Variants in PPM1D observed in about 807,000 individuals in gnomAD.
PPM1D encodes protein phosphatase, Mg2+/Mn2+ dependent 1D.
In PPM1D, 52 loss-of-function variants were observed where a neutral mutation model predicts 58.3. The ratio of observed to expected loss-of-function variants is 0.89; its 90% CI spans 0.71 to 1.12. PPM1D has a LOEUF of 1.12. PPM1D is among the 50% of genes most tolerant of loss of function. The pLI is 0.00. For missense variants in PPM1D, 564 were observed against 777.2 expected, an observed-to-expected ratio of 0.73 and a Z score of 3.26; for synonymous variants, 278 against 285.1, an observed-to-expected ratio of 0.98 and a Z score of 0.25.
chr17:60,660,821 ACCTCCCTG>A (rs772782118), intron 5 of PPM1D, among the ~76,000 whole-genome samples: 14 of 152,066 alleles, frequency 9.2e-5, no homozygotes, highest in Non-Finnish European at 1.9e-4. Context: ...TATTTTTTGA[ACCTCCCTG>A]CCTCCCTTAT....
At chr17:60,645,500 A>ATATATG (rs2031220869) in intron 3 of PPM1D, among the ~76,000 whole-genome samples, 2 of 123,314 alleles carry the variant, frequency 1.6e-5, no homozygotes, top group African/African-American at 7.2e-5. Context: ...GTGTATGTGT[A>ATATATG]TATATATATG....
At chr17:60,615,314 G>A (rs183311100) in intron 1 of PPM1D, among the ~76,000 whole-genome samples, 9 of 152,156 alleles carry the variant, frequency 5.9e-5, no homozygotes, top group Non-Finnish European at 2.9e-5. Context: ...GGAGGCCCAG[G>A]TGGGAGGATC....
At chr17:60,647,114 A>ACAACAATC (rs2031264288) in intron 3 of PPM1D, among the ~76,000 whole-genome samples, 1 of 152,236 alleles carries the variant, frequency 6.6e-6, no homozygotes, top group Admixed American at 6.5e-5. Flanking sequence ...GTCAAATTCT[A>ACAACAATC]CAACAATCCT....
rs199993940 is a variant in PPM1D at position 60,647,855 on chromosome 17, A to G, written c.827-37A>G. 265 of 1,538,204 alleles carry G rather than the reference A, an allele frequency of 1.7e-4. No individual in the cohort carries two copies. In the African/African-American group the frequency reaches 3.3e-3, roughly 19 times the overall value. ...GTTGCTGTTGTACTATTAGCTTCCA[A>G]CTAATACTTCTTGCTTTTTCTGCTC... On this transcript the variant is annotated intron_variant, in intron 3 of 5. Coordinates refer to ENST00000305921, the MANE Select transcript of PPM1D (RefSeq NM_003620.4).
At chr17:60,616,623 ATTGAGGGATACT>A (rs1458115836) in intron 1 of PPM1D, among the ~76,000 whole-genome samples, 1 of 152,162 alleles carries the variant, frequency 6.6e-6, no homozygotes, top group East Asian at 1.9e-4. Context: ...AAGAAAAAGA[ATTGAGGGATACT>A]TAAACTACCA....
Position 60,663,725 on chromosome 17 carries a change from G to A in PPM1D, c.*173G>A. ...TTGTACTTGCTTGTATTGTAAATGT[G>A]GATTTTGTAGATGTTAGGGTATAAG... is the stretch of plus-strand genomic sequence containing the variant. On this transcript the variant is annotated 3_prime_UTR_variant, in exon 6 of 6. Transcript: ENST00000305921. The A allele has an allele frequency of 3.0e-6, 2 of 675,996 alleles. No homozygotes were observed. Among genetic ancestry groups the A allele is most frequent in the Non-Finnish European group, 4.8e-6 (2 of 416,132 alleles). 41.9% of individuals were successfully genotyped at this position (675,996 alleles called of 1,614,324 possible). A position where few individuals can be genotyped will look rare whatever the true frequency, so the allele number is the denominator to read the frequency against.
At chr17:60,637,109 T>C (rs2031038877) in intron 3 of PPM1D, among the ~76,000 whole-genome samples, 1 of 151,860 alleles carries the variant, frequency 6.6e-6, no homozygotes, top group Non-Finnish European at 1.5e-5. Context: ...GCTGGGATTA[T>C]AGGCGTGCGC....
chr17:60,612,430 C>A (rs1033137943), intron 1 of PPM1D, among the ~76,000 whole-genome samples: 1 of 151,956 alleles, frequency 6.6e-6, no homozygotes, highest in Non-Finnish European at 1.5e-5. Flanking sequence ...TTGTATATAG[C>A]GTGTTGCTCC....
chr17:60,621,563 A>ATTTTTTTTTTT (rs775950363), intron 1 of PPM1D, among the ~76,000 whole-genome samples: 2 of 96,132 alleles, frequency 2.1e-5, no homozygotes, highest in African/African-American at 7.6e-5. Flanking sequence ...TATTTTTTGT[A>ATTTTTTTTTTT]TTTTTTTTTT....
intron 1 of PPM1D, among the ~76,000 whole-genome samples, chr17:60,610,746 T>C (rs1436200949): frequency 6.6e-6 from 1 of 152,242 alleles, no homozygotes; most frequent in East Asian, 1.9e-4. Context: ...AAGTATTTTC[T>C]GGTCTTTCAT....
At position 60,665,957 on chromosome 17, in the gene PPM1D, G is replaced by A. The variant is rs2031610267; in HGVS notation, c.*2405G>A. The A allele has an allele frequency of 6.6e-6, 1 of 152,174 alleles. No individual in the cohort carries two copies. Among genetic ancestry groups the A allele is most frequent in the African/African-American group, 2.4e-5 (1 of 41,444 alleles). 9.4% of individuals were successfully genotyped at this position (152,174 alleles called of 1,614,324 possible). A position where few individuals can be genotyped will look rare whatever the true frequency, so the allele number is the denominator to read the frequency against. Reference sequence around the variant, plus strand: ...TTTTTGTAACCTAGCCTCTGAAAGTGTCATACCAATTCTGTATTTTGTTGG... The same window carrying A: ...TTTTTGTAACCTAGCCTCTGAAAGTATCATACCAATTCTGTATTTTGTTGG... On this transcript the variant is annotated 3_prime_UTR_variant, in exon 6 of 6. Coordinates refer to ENST00000305921, the MANE Select transcript of PPM1D (RefSeq NM_003620.4).
chr17:60,643,244 A>C (rs1013497583), intron 3 of PPM1D, among the ~76,000 whole-genome samples: 1 of 151,892 alleles, frequency 6.6e-6, no homozygotes, highest in African/African-American at 2.4e-5. Flanking sequence ...TTAGCCTAGC[A>C]TGGTGGCACA....
intron 1 of PPM1D, among the ~76,000 whole-genome samples, chr17:60,611,415 G>C (rs774045770): frequency 1.8e-4 from 27 of 151,504 alleles, no homozygotes; most frequent in Non-Finnish European, 2.5e-4. Flanking sequence ...TATGTATTTT[G>C]TGGGGTTTTT....
intron 4 of PPM1D, among the ~76,000 whole-genome samples, chr17:60,651,394 GT>G (rs2031339315): frequency 6.8e-6 from 1 of 147,770 alleles, no homozygotes; most frequent in South Asian, 2.1e-4. Context: ...AATTAACAGT[GT>G]TTTTGGTTTT....
At chr17:60,630,202 TAAAATA>T (rs1192419760) in intron 2 of PPM1D, among the ~76,000 whole-genome samples, 1 of 151,016 alleles carries the variant, frequency 6.6e-6, no homozygotes, top group Non-Finnish European at 1.5e-5. Context: ...TATAAATAAA[TAAAATA>T]AATGAACAAA....
At chr17:60,618,841 T>G (rs1350749762) in intron 1 of PPM1D, among the ~76,000 whole-genome samples, 1 of 152,210 alleles carries the variant, frequency 6.6e-6, no homozygotes, top group Non-Finnish European at 1.5e-5. Context: ...TGTGAAATGA[T>G]TACCACAGTC....
At position 60,645,634 on chromosome 17, in the gene PPM1D, ATG is replaced by A. The variant is rs746534479; in HGVS notation, c.827-2246_827-2245del. On this transcript the variant is annotated intron_variant, in intron 3 of 5. Transcript: ENST00000305921. ...TGTGTATATATATATGTATATGTAT[ATG>A]TGTGTGTGTGTATATATATATATAC... Among the ~76,000 whole-genome samples the A allele has an allele frequency of 1.5e-3, 208 of 135,670 alleles. 2 individuals are homozygous for A. In the East Asian group the frequency reaches 0.035, roughly 23 times the overall value. 89.0% of individuals were successfully genotyped at this position (135,670 alleles called of 152,430 possible). A position where few individuals can be genotyped will look rare whatever the true frequency, so the allele number is the denominator to read the frequency against.
At chr17:60,640,266 A>G (rs1472420566) in intron 3 of PPM1D, among the ~76,000 whole-genome samples, 3 of 152,210 alleles carry the variant, frequency 2.0e-5, no homozygotes, top group Non-Finnish European at 4.4e-5. Flanking sequence ...AGATTATGTC[A>G]CTGTACTCCA....
intron 3 of PPM1D, among the ~76,000 whole-genome samples, chr17:60,640,472 G>A (rs1254326232): frequency 6.6e-6 from 1 of 152,102 alleles, no homozygotes; most frequent in Non-Finnish European, 1.5e-5. Context: ...TGTTACGTAC[G>A]GTTACACTGT....
Sources: gnomAD v4.1 joint callset for allele counts (sites outside exome capture counted in the v4.1 genomes callset) on GRCh38, gnomAD v4.1.1 for gene constraint, MANE v1.5 for transcripts, NCBI Gene and HGNC (gene_info 2026-07-23, HGNC 2026-07-21) for gene names.